The following PRKCH variants were observed in gnomAD, a reference collection of about 807,000 sequenced individuals.
PRKCH encodes protein kinase C eta, also known as protein kinase C eta type.
A neutral mutation model predicts 82.5 loss-of-function variants in PRKCH; 28 were observed. The ratio of observed to expected loss-of-function variants is 0.34; its 90% CI spans 0.25 to 0.47. The LOEUF (loss-of-function observed/expected upper bound fraction) is 0.47, where lower values mean the gene tolerates loss of function less well. PRKCH is among the 20% of genes least tolerant of loss of function. PRKCH has a pLI of 1.00. For missense variants in PRKCH, 705 were observed against 881.8 expected, an observed-to-expected ratio of 0.80 and a Z score of 2.54; for synonymous variants, 322 against 327.4, an observed-to-expected ratio of 0.98 and a Z score of 0.18.
chr14:61,323,717 G>T (rs532569041), intron 1 of PRKCH, among the ~76,000 whole-genome samples: 1 of 152,274 alleles, frequency 6.6e-6, no homozygotes, highest in South Asian at 2.1e-4. Flanking sequence ...AAATTATATT[G>T]AGTTAATTTC....
chr14:61,188,612 G>C lies in PRKCH; in HGVS notation c.-19+944G>C. On this transcript the variant is annotated intron_variant, in intron 1 of 3. Transcript: ENST00000555185. ...GTCGGGGGGGTGGGGGGGTGGTGTG[G>C]TGTGTGTGTGTGTGTGTGTGTGTGT... Among the ~76,000 whole-genome samples the C allele has an allele frequency of 9.7e-5, 2 of 20,604 alleles. 1 individual carries two copies. Among genetic ancestry groups the C allele is most frequent in the East Asian group, 2.7e-3 (2 of 736 alleles). 13.5% of individuals were successfully genotyped at this position (20,604 alleles called of 152,430 possible).
chr14:61,224,779 C>A (rs1338886556), intron 1 of PRKCH, among the ~76,000 whole-genome samples: 1 of 152,196 alleles, frequency 6.6e-6, no homozygotes, highest in East Asian at 1.9e-4. Context: ...CTACTTCCCC[C>A]ACCCTCTCTT....
At chr14:61,512,647 AAG>A (rs1326390597) in intron 10 of PRKCH, among the ~76,000 whole-genome samples, 1 of 152,146 alleles carries the variant, frequency 6.6e-6, no homozygotes, top group African/African-American at 2.4e-5. Context: ...TGAAGAACTT[AAG>A]AAATTTCATC....
intron 7 of PRKCH, among the ~76,000 whole-genome samples, chr14:61,456,334 G>A (rs778328990): frequency 6.6e-6 from 1 of 152,212 alleles, no homozygotes; most frequent in Non-Finnish European, 1.5e-5. Context: ...AGATTTGCAT[G>A]AAGTGTATTC....
intron 12 of PRKCH, among the ~76,000 whole-genome samples, chr14:61,544,837 T>C (rs571047635): frequency 6.6e-6 from 1 of 152,338 alleles, no homozygotes; most frequent in East Asian, 1.9e-4. Flanking sequence ...GAGGACCCTG[T>C]GATCTTGGAC....
At chr14:61,521,062 G>T (rs2042899178) in intron 10 of PRKCH, among the ~76,000 whole-genome samples, 1 of 152,120 alleles carries the variant, frequency 6.6e-6, no homozygotes, top group African/African-American at 2.4e-5. Flanking sequence ...TGAGCCAGAG[G>T]CATAGGAGAT....
chr14:61,419,728 T>C (rs937088131), intron 2 of PRKCH, among the ~76,000 whole-genome samples: 1 of 152,160 alleles, frequency 6.6e-6, no homozygotes, highest in Non-Finnish European at 1.5e-5. Context: ...ACCTGGGACA[T>C]AGAGAACTTG....
rs375542490 is a variant in PRKCH, at chr14:61,484,764, CTTT to C, written c.1279-721_1279-719del. On this transcript the variant is annotated intron_variant, in intron 9 of 13. Coordinates refer to ENST00000332981, the MANE Select transcript of PRKCH (RefSeq NM_006255.5). ...TACTGTGAGGCTGTCATTTGGCTTC[CTTT>C]TTTTTTTTTTTTTTTTGGAAGAAGG... 7.4e-5 allele frequency among the ~76,000 whole-genome samples: 9 copies of C among 121,206 alleles called. No individual in the cohort carries two copies. The East Asian group carries it at 1.0e-3, about 14-fold the overall frequency. 79.5% of individuals were successfully genotyped at this position (121,206 alleles called of 152,430 possible).
chr14:61,358,636 C>T (rs901932524), intron 1 of PRKCH, among the ~76,000 whole-genome samples: 1 of 152,200 alleles, frequency 6.6e-6, no homozygotes, highest in African/African-American at 2.4e-5. Flanking sequence ...AGGGTTTCCA[C>T]CCTGGTTGAA....
At chr14:61,454,650 G>A (rs1419786960) in intron 7 of PRKCH, among the ~76,000 whole-genome samples, 1 of 152,222 alleles carries the variant, frequency 6.6e-6, no homozygotes, top group Non-Finnish European at 1.5e-5. Context: ...TTCAGCAGGA[G>A]ACAGGAGTCT....
At position 61,280,951 on chromosome 14, in the gene PRKCH, T is replaced by C; in HGVS notation, c.-19+93283T>C. The C allele has an allele frequency of 6.5e-7, 1 of 1,543,364 alleles. No homozygotes were observed. Among genetic ancestry groups the C allele is most frequent in the Non-Finnish European group, 8.7e-7 (1 of 1,147,996 alleles). ...ACCGGTGCCCGGGTCGCCTGTATAGTCGTACTCCAGCTCCTTGATGCCGTT... is the reference window on the plus strand; with the variant it reads ...ACCGGTGCCCGGGTCGCCTGTATAGCCGTACTCCAGCTCCTTGATGCCGTT... On this transcript the variant is annotated intron_variant, in intron 1 of 3. Coordinates refer to the PRKCH transcript ENST00000555185. The surrounding 1 kb of genome is among the most constrained non-coding windows in gnomAD (Gnocchi z 5.0).
chr14:61,226,741 G>A (rs7148482), intron 1 of PRKCH, among the ~76,000 whole-genome samples: 152,231 of 152,338 alleles, frequency 1, 76,063 homozygotes, highest in Middle Eastern at 1. Context: ...GCATTCAGTC[G>A]TTCCTAACAA....
At chr14:61,239,686 A>T (rs563437651) in intron 1 of PRKCH, among the ~76,000 whole-genome samples, 1 of 152,276 alleles carries the variant, frequency 6.6e-6, no homozygotes, top group Non-Finnish European at 1.5e-5. Context: ...AAAATGAAAC[A>T]ATTCCTTCAC....
intron 1 of PRKCH, among the ~76,000 whole-genome samples, chr14:61,293,329 G>C (rs2045379363): frequency 6.6e-6 from 1 of 152,208 alleles, no homozygotes; most frequent in African/African-American, 2.4e-5. Context: ...TAGAAGCCTG[G>C]TGGGCTAGGC....
chr14:61,188,704 A>T (rs866092528), intron 1 of PRKCH, among the ~76,000 whole-genome samples: 1 of 87,894 alleles, frequency 1.1e-5, no homozygotes. Context: ...ACGTTGCTGT[A>T]GTGTGTGTGT....
intron 1 of PRKCH, among the ~76,000 whole-genome samples, chr14:61,340,979 G>A (rs531433723): frequency 3.3e-5 from 5 of 152,166 alleles, no homozygotes; most frequent in South Asian, 2.1e-4. Context: ...TACCACACTC[G>A]TTTGTATCAT....
chr14:61,423,440 C>T (rs953254517), intron 2 of PRKCH, among the ~76,000 whole-genome samples: 10 of 152,262 alleles, frequency 6.6e-5, no homozygotes, highest in Middle Eastern at 3.4e-3. Flanking sequence ...CCTGGAGTAC[C>T]GTGCACAGAA....
At chr14:61,279,280 T>A (rs934885755) in intron 1 of PRKCH, 1 of 152,232 alleles carries the variant, frequency 6.6e-6, no homozygotes, top group African/African-American at 2.4e-5. Flanking sequence ...AGTAATTTTT[T>A]AAAAATTCAT....
At chr14:61,445,835 T>G in intron 4 of PRKCH, 109 bp downstream of exon 4, 1 of 1,185,274 alleles carries the variant, frequency 8.4e-7, no homozygotes, top group Non-Finnish European at 1.2e-6. Flanking sequence ...TAAATAACTC[T>G]CTGTAGGTCA....
Sources: gnomAD v4.1 joint callset for allele counts (sites outside exome capture counted in the v4.1 genomes callset) on GRCh38, gnomAD v4.1.1 for gene constraint, Gnocchi (gnomAD v3.1) non-coding constraint, MANE v1.5 for transcripts, NCBI Gene and HGNC (gene_info 2026-07-23, HGNC 2026-07-21) for gene names.